STARD13: variants seen among roughly 807,000 people sequenced by gnomAD.
STARD13 encodes the protein StAR related lipid transfer domain containing 13, also known as stAR-related lipid transfer protein 13.
In STARD13, 62 loss-of-function variants were observed where a neutral mutation model predicts 106.4. The observed-to-expected ratio is 0.58, with a 90% CI of 0.48 to 0.72. The LOEUF is 0.72. Ranked by LOEUF, STARD13 falls within the 30% of genes least tolerant of loss-of-function variation. The probability of loss-of-function intolerance (pLI) is 0.00; values close to 1 mark genes in which losing one functional copy is unlikely to be tolerated. For missense variants in STARD13, 1,387 were observed against 1,424.0 expected (o/e 0.97, Z 0.42); for synonymous variants, 565 against 553.0 (o/e 1.02, Z -0.31).
At chr13:33,527,814 T>C in the STARD13 span, among the ~76,000 whole-genome samples, 1 of 151,814 alleles carries the variant, frequency 6.6e-6, no homozygotes, top group African/African-American at 2.4e-5. Flanking sequence ...AGAAGAATCT[T>C]ACTCAGATGA....
At chr13:33,331,689 T>C (rs2077838584) in intron 1 of STARD13, among the ~76,000 whole-genome samples, 1 of 152,238 alleles carries the variant, frequency 6.6e-6, no homozygotes, top group South Asian at 2.1e-4. Flanking sequence ...TCTACTACCA[T>C]ACTTGTCCTA....
the STARD13 span, among the ~76,000 whole-genome samples, chr13:33,627,728 C>G: frequency 6.6e-6 from 1 of 152,094 alleles, no homozygotes; most frequent in African/African-American, 2.4e-5. Context: ...GGAGAGGCCT[C>G]AGTGGTCCTT....
At chr13:33,197,302 G>A (rs1223981834) in intron 1 of STARD13, among the ~76,000 whole-genome samples, 15 of 152,208 alleles carry the variant, frequency 9.9e-5, no homozygotes, top group Admixed American at 9.8e-4. Context: ...GAGGCACCCT[G>A]TAAGCGTACT....
intron 1 of STARD13, chr13:33,188,333 C>T (rs1488948350): frequency 6.6e-6 from 1 of 152,178 alleles, no homozygotes; most frequent in Non-Finnish European, 1.5e-5. Context: ...TTCTTTAACC[C>T]CCAGTGGCCA....
chr13:33,535,608 G>A, the STARD13 span, among the ~76,000 whole-genome samples: 7 of 152,038 alleles, frequency 4.6e-5, no homozygotes, highest in African/African-American at 7.2e-5. Context: ...TATAACAAAG[G>A]CCTGCTCCAA....
the STARD13 span, among the ~76,000 whole-genome samples, chr13:33,603,585 T>C: frequency 2.6e-5 from 4 of 152,156 alleles, no homozygotes; most frequent in African/African-American, 7.2e-5. Flanking sequence ...TTCATAAGTA[T>C]GGGCCTTATG....
At chr13:33,558,644 C>G in the STARD13 span, among the ~76,000 whole-genome samples, 5 of 152,080 alleles carry the variant, frequency 3.3e-5, no homozygotes, top group South Asian at 2.1e-4. Context: ...GGGGCAAAAA[C>G]TTTGACACTG....
At chr13:33,165,899 C>T (rs1883259590) in intron 2 of STARD13, among the ~76,000 whole-genome samples, 1 of 152,116 alleles carries the variant, frequency 6.6e-6, no homozygotes, top group South Asian at 2.1e-4. Context: ...TCTGGAGTAT[C>T]AGCAAAATAC....
chr13:33,406,916 TG>T, the STARD13 span, among the ~76,000 whole-genome samples: 1 of 152,106 alleles, frequency 6.6e-6, no homozygotes, highest in Non-Finnish European at 1.5e-5. Context: ...AGTGCTGATG[TG>T]GGGGTTACAG....
chr13:33,298,296 A>T (rs1892577751), intron 1 of STARD13, among the ~76,000 whole-genome samples: 2 of 137,928 alleles, frequency 1.5e-5, no homozygotes, highest in African/African-American at 2.7e-5. Flanking sequence ...TGCTCAGCTA[A>T]TTTTTTTTTT....
chr13:33,445,610 A>G, the STARD13 span, among the ~76,000 whole-genome samples: 1,213 of 152,142 alleles, frequency 8.0e-3, 4 homozygotes, highest in Middle Eastern at 0.017. Context: ...GAGGCTATAT[A>G]TATAAATAAA....
intron 1 of STARD13, among the ~76,000 whole-genome samples, chr13:33,307,593 G>T: frequency 6.6e-6 from 1 of 152,278 alleles, no homozygotes; most frequent in East Asian, 1.9e-4. Flanking sequence ...TCACTTATGA[G>T]TGGGAGCTGG....
rs146975861 is a variant in STARD13 at position 33,142,243 on chromosome 13, C to A, written c.387+67G>T. On this transcript the variant is annotated intron_variant, in intron 4 of 13. Coordinates refer to ENST00000336934, the MANE Select transcript of STARD13 (RefSeq NM_178006.4). ...GACACAAGGGTCTCACTATGTTGCT[C>A]AGATTGATCTCAAACTCCTGGCATT... The A allele has an allele frequency of 2.1e-5, 26 of 1,218,230 alleles. No homozygotes were observed. In the East Asian group the frequency reaches 6.0e-4, roughly 28 times the overall value. 75.5% of individuals were successfully genotyped at this position (1,218,230 alleles called of 1,614,324 possible). A position where few individuals can be genotyped will look rare whatever the true frequency, so the allele number is the denominator to read the frequency against.
chr13:33,591,102 A>G, the STARD13 span, among the ~76,000 whole-genome samples: 1 of 152,238 alleles, frequency 6.6e-6, no homozygotes, highest in East Asian at 1.9e-4. Flanking sequence ...GCATTCTCCT[A>G]CATATTTTCA....
At chr13:33,229,354 A>G (rs1301632310) in intron 1 of STARD13, among the ~76,000 whole-genome samples, 1 of 152,208 alleles carries the variant, frequency 6.6e-6, no homozygotes, top group Non-Finnish European at 1.5e-5. Flanking sequence ...GGAAACTCTC[A>G]ACTTAAGAGG....
At position 33,177,745 on chromosome 13, in the gene STARD13, A is replaced by G. The variant is rs1306356434; in HGVS notation, c.170-10123T>C. ...GAGGGAGAAAGGGAGGGAGGAAGGA[A>G]GGAAAAAAGGAAGGAAGGAAGGAAA... On this transcript the variant is annotated intron_variant, in intron 1 of 13. Coordinates refer to ENST00000336934, the MANE Select transcript of STARD13 (RefSeq NM_178006.4). Among the ~76,000 whole-genome samples, 7 of 114,380 alleles carry G rather than the reference A, an allele frequency of 6.1e-5. 1 individual carries two copies. The highest frequency in any genetic ancestry group is 7.9e-5 in the Non-Finnish European group (4 of 50,952). 75.0% of individuals were successfully genotyped at this position (114,380 alleles called of 152,430 possible).
intron 3 of STARD13, among the ~76,000 whole-genome samples, chr13:33,147,770 C>A (rs910489781): frequency 2.6e-5 from 4 of 152,120 alleles, no homozygotes; most frequent in Non-Finnish European, 5.9e-5. Flanking sequence ...ATAACCAACA[C>A]AATAATGAAG....
the STARD13 span, among the ~76,000 whole-genome samples, chr13:33,404,486 A>G: frequency 6.6e-6 from 1 of 152,232 alleles, no homozygotes; most frequent in South Asian, 2.1e-4. Flanking sequence ...CCTGCTGTTT[A>G]GAATGCATGG....
chr13:33,394,948 G>A, the STARD13 span, among the ~76,000 whole-genome samples: 1 of 152,234 alleles, frequency 6.6e-6, no homozygotes, highest in Non-Finnish European at 1.5e-5. Flanking sequence ...AGAGAATGGT[G>A]TTGAAGGTTA....
Sources: gnomAD v4.1 joint callset for allele counts (sites outside exome capture counted in the v4.1 genomes callset) on GRCh38, gnomAD v4.1.1 for gene constraint, MANE v1.5 for transcripts, NCBI Gene and HGNC (gene_info 2026-07-23, HGNC 2026-07-21) for gene names.